The following KCNMB2 variants were observed in gnomAD, a reference collection of about 807,000 sequenced individuals.
KCNMB2 encodes calcium-activated potassium channel subunit beta-2.
A neutral mutation model predicts 24.5 loss-of-function variants in KCNMB2; 9 were observed. That is an observed-to-expected ratio of 0.37 (90% CI 0.22 to 0.64). The LOEUF (loss-of-function observed/expected upper bound fraction) is 0.64. Ranked by LOEUF, KCNMB2 falls within the 30% of genes least tolerant of loss-of-function variation. KCNMB2 has a pLI of 0.63. For synonymous variants in KCNMB2, 109 were observed against 104.4 expected (o/e 1.04, Z -0.27); for missense variants, 226 against 284.3 (o/e 0.79, Z 1.47).
chr3:178,637,367 C>T (rs1463363760), intron 1 of KCNMB2, among the ~76,000 whole-genome samples: 1 of 152,136 alleles, frequency 6.6e-6, no homozygotes, highest in Non-Finnish European at 1.5e-5. Context: ...CCAGCATGAT[C>T]AAACTATCTT....
chr3:178,618,139 A>G (rs908351673), intron 1 of KCNMB2, among the ~76,000 whole-genome samples: 1 of 152,082 alleles, frequency 6.6e-6, no homozygotes, highest in Non-Finnish European at 1.5e-5. Context: ...ACCAATATCA[A>G]ATTATGGTTC....
At chr3:178,833,645 G>A (rs1715123168) in intron 4 of KCNMB2, among the ~76,000 whole-genome samples, 1 of 152,160 alleles carries the variant, frequency 6.6e-6, no homozygotes, top group Admixed American at 6.6e-5. Context: ...GTTGTATTGA[G>A]ATACATCAGG....
chr3:178,709,386 A>T (rs1050254609), intron 1 of KCNMB2, among the ~76,000 whole-genome samples: 1 of 152,182 alleles, frequency 6.6e-6, no homozygotes, highest in African/African-American at 2.4e-5. Context: ...CTTGAATTAA[A>T]CTTCTAGCTA....
intron 1 of KCNMB2, among the ~76,000 whole-genome samples, chr3:178,726,586 T>C (rs187188698): frequency 1.3e-5 from 2 of 152,060 alleles, no homozygotes; most frequent in East Asian, 3.9e-4. Context: ...TTTTCAAATA[T>C]TTCTTTAGAT....
chr3:178,776,097 C>A (rs909044302), intron 1 of KCNMB2, among the ~76,000 whole-genome samples: 1 of 152,112 alleles, frequency 6.6e-6, no homozygotes, highest in African/African-American at 2.4e-5. Flanking sequence ...CCCCAAGTGT[C>A]TTCTTTGTCA....
chr3:178,632,925 A>G (rs563418447), intron 1 of KCNMB2, among the ~76,000 whole-genome samples: 1 of 152,332 alleles, frequency 6.6e-6, no homozygotes, highest in South Asian at 2.1e-4. Context: ...TTCCAAATAG[A>G]AGAAATTGTT....
At chr3:178,821,671 A>T (rs61306418) in intron 2 of KCNMB2, among the ~76,000 whole-genome samples, 3,908 of 152,230 alleles carry the variant, frequency 0.026, 155 homozygotes, top group African/African-American at 0.089. Flanking sequence ...ACCTCTTTGG[A>T]TCCTGGAAGA....
chr3:178,720,980 T>G (rs369102728), intron 1 of KCNMB2, among the ~76,000 whole-genome samples: 2,135 of 151,898 alleles, frequency 0.014, 52 homozygotes, highest in African/African-American at 0.048. Flanking sequence ...TTAGTTTAAT[T>G]AGATCCCATT....
chr3:178,778,472 A>ACACACT (rs1712686210), intron 1 of KCNMB2, among the ~76,000 whole-genome samples: 2 of 65,514 alleles, frequency 3.1e-5, no homozygotes, highest in South Asian at 9.1e-4. Context: ...ACACACACAC[A>ACACACT]CACACACACA....
intron 1 of KCNMB2, among the ~76,000 whole-genome samples, chr3:178,784,180 A>G (rs950863691): frequency 3.3e-5 from 5 of 152,168 alleles, no homozygotes; most frequent in Non-Finnish European, 7.4e-5. Flanking sequence ...TGGGAGAAAT[A>G]ATTTACATTT....
intron 1 of KCNMB2, among the ~76,000 whole-genome samples, chr3:178,699,932 C>T (rs752169410): frequency 8.5e-5 from 13 of 152,342 alleles, no homozygotes; most frequent in Non-Finnish European, 1.2e-4. Flanking sequence ...AGAGTTTCTC[C>T]TTGCCAATTG....
chr3:178,798,087 A>G (rs1396482218), intron 1 of KCNMB2, among the ~76,000 whole-genome samples: 1 of 152,162 alleles, frequency 6.6e-6, no homozygotes, highest in Non-Finnish European at 1.5e-5. Context: ...GCAAACAAAG[A>G]CAATTTGACT....
rs185405260 is a variant in KCNMB2, at chr3:178,688,703, A to T, written c.-67-118640A>T. 5.7e-4 allele frequency among the ~76,000 whole-genome samples: 87 copies of T among 152,264 alleles called. 2 individuals are homozygous for T. Among genetic ancestry groups the T allele is most frequent in the African/African-American group, 1.9e-3 (81 of 41,584 alleles). On this transcript the variant is annotated intron_variant, in intron 1 of 4. Transcript: ENST00000452583. The stretch of plus-strand genomic sequence containing the variant: ...TCTAGTGTTTGCTTTTTTTTTAACC[A>T]TTGAGTTTCTAGCTCAAATTTAAAG...
chr3:178,742,817 C>CT (rs1299338274), intron 1 of KCNMB2, among the ~76,000 whole-genome samples: 1 of 152,056 alleles, frequency 6.6e-6, no homozygotes, highest in Non-Finnish European at 1.5e-5. Flanking sequence ...TTCAATATGG[C>CT]TGTGGGGTAT....
chr3:178,780,522 G>C (rs1712786514), intron 1 of KCNMB2, among the ~76,000 whole-genome samples: 1 of 152,138 alleles, frequency 6.6e-6, no homozygotes, highest in East Asian at 1.9e-4. Context: ...AAATGACTTG[G>C]TAGAAATAAT....
At chr3:178,711,580 G>A (rs1033483578) in intron 1 of KCNMB2, among the ~76,000 whole-genome samples, 1 of 152,098 alleles carries the variant, frequency 6.6e-6, no homozygotes, top group Non-Finnish European at 1.5e-5. Flanking sequence ...ATTTACTTGG[G>A]ACTGGGAGCA....
chr3:178,555,627 A>G (rs1716097724), intron 1 of KCNMB2, among the ~76,000 whole-genome samples: 1 of 152,198 alleles, frequency 6.6e-6, no homozygotes, highest in Non-Finnish European at 1.5e-5. Context: ...GTGAATAGCC[A>G]TTTCCACTGT....
intron 1 of KCNMB2, among the ~76,000 whole-genome samples, chr3:178,684,615 G>A (rs939490174): frequency 2.6e-5 from 4 of 152,078 alleles, no homozygotes; most frequent in Non-Finnish European, 5.9e-5. Context: ...ATCACCTGAG[G>A]TCGGGAGTTC....
At chr3:178,691,628 G>T (rs1196794266) in intron 1 of KCNMB2, among the ~76,000 whole-genome samples, 6 of 152,160 alleles carry the variant, frequency 3.9e-5, no homozygotes, top group African/African-American at 1.2e-4. Context: ...TAGTGTGTAT[G>T]TACCACATGT....
Sources: allele counts gnomAD v4.1 joint callset (sites outside exome capture counted in the v4.1 genomes callset), GRCh38; gene constraint gnomAD v4.1.1; transcripts MANE v1.5; gene names NCBI Gene and HGNC (gene_info 2026-07-23, HGNC 2026-07-21).